Variants in RRP1 observed in about 807,000 individuals in gnomAD.
RRP1 encodes the protein ribosomal RNA processing protein 1 homolog A.
A neutral mutation model predicts 54.6 loss-of-function variants in RRP1; 37 were observed. The ratio of observed to expected loss-of-function variants is 0.68; its 90% CI spans 0.52 to 0.89. RRP1 has a LOEUF of 0.89. Among genes scored for constraint, RRP1 ranks in the 40% least tolerant of loss-of-function variants. The probability of loss-of-function intolerance (pLI) is 0.00; values close to 1 mark genes in which losing one functional copy is unlikely to be tolerated. For missense variants in RRP1, 639 were observed against 612.5 expected (o/e 1.04, Z -0.46); for synonymous variants, 262 against 244.3 (o/e 1.07, Z -0.67).
At chr21:43,791,060 C>T (rs1050209425) in intron 1 of RRP1, 6 of 528,562 alleles carry the variant, frequency 1.1e-5, no homozygotes, top group East Asian at 4.8e-5. Context: ...CGTCAAGGTT[C>T]GCAATTTTGA....
chr21:43,796,465 C>G (rs1164848545), intron 5 of RRP1, among the ~76,000 whole-genome samples: 1 of 152,104 alleles, frequency 6.6e-6, no homozygotes, highest in Non-Finnish European at 1.5e-5. Flanking sequence ...ATGTGGAAGA[C>G]CTCGGTGCCT....
intron 2 of RRP1, among the ~76,000 whole-genome samples, chr21:43,791,647 T>A (rs762666427): frequency 4.6e-5 from 7 of 152,052 alleles, no homozygotes; most frequent in Non-Finnish European, 8.8e-5. Flanking sequence ...GGAGTACAGG[T>A]ACCTGCCACC....
intron 2 of RRP1, 95 bp downstream of exon 2, chr21:43,791,527 A>T: frequency 8.7e-7 from 1 of 1,155,100 alleles, no homozygotes; most frequent in South Asian, 1.3e-5. Flanking sequence ...TTTAAGTCGG[A>T]GTTTCGCTCT....
Position 43,793,496 on chromosome 21 carries a change from A to G in RRP1, c.360+92A>G, listed in dbSNP as rs1016691728. The G allele has an allele frequency of 1.2e-5, 13 of 1,106,036 alleles. No homozygotes were observed. The South Asian group carries it at 1.4e-4, about 12-fold the overall frequency. The allele number at this position is 1,106,036 out of a possible 1,614,324, so 68.5% of individuals were successfully genotyped here. Reference sequence around the variant, plus strand: ...CAGGCGGCACCTGGGCAGGGAGGCAACCTGAGGCAGTGCGACCCTGAAGCC... The same window carrying G: ...CAGGCGGCACCTGGGCAGGGAGGCAGCCTGAGGCAGTGCGACCCTGAAGCC... On this transcript the variant is annotated intron_variant, in intron 4 of 12. Coordinates refer to ENST00000497547, the MANE Select transcript of RRP1 (RefSeq NM_003683.6).
rs1005554363 is a variant in RRP1, at chr21:43,795,305, G to A, written c.422+55G>A. On this transcript the variant is annotated intron_variant, in intron 5 of 12. Transcript: ENST00000497547. ...GACGCTGTTCTCGGGGACCGCAGTC[G>A]TGTTTGTCATTTGATTCTTTGCCAT... The A allele has an allele frequency of 3.0e-5, 46 of 1,542,680 alleles. No individual in the cohort carries two copies. The Admixed American group carries it at 3.5e-4, about 12-fold the overall frequency.
chr21:43,795,170 A>C lies in RRP1; in HGVS notation c.361-19A>C. ...TAGGGCTGGGCTTCTGCTAATGCCA[A>C]CCTCCTTCTGTGTCAAAGCTCATGC... is the stretch of plus-strand genomic sequence containing the variant. On this transcript the variant is annotated intron_variant, in intron 4 of 12. Coordinates refer to ENST00000497547, the MANE Select transcript of RRP1 (RefSeq NM_003683.6). 6.2e-7 allele frequency: 1 copy of C among 1,611,490 alleles called. No individual in the cohort carries two copies. Among genetic ancestry groups the C allele is most frequent in the African/African-American group, 1.3e-5 (1 of 74,786 alleles).
Position 43,802,399 on chromosome 21 carries a change from G to A in RRP1, c.1123+12G>A, listed in dbSNP as rs376495788. 33 of 1,605,736 alleles carry A rather than the reference G, an allele frequency of 2.1e-5. No individual in the cohort carries two copies. Among genetic ancestry groups the A allele is most frequent in the Non-Finnish European group, 2.7e-5 (32 of 1,172,922 alleles). On this transcript the variant is annotated intron_variant, in intron 12 of 12. Transcript: ENST00000497547. Reference sequence around the variant, plus strand: ...GCAGCAGGAGAGAGGTAGGACTAGGGGGTGTGTTAGTCATGGAGCCGGCGT... The same window carrying A: ...GCAGCAGGAGAGAGGTAGGACTAGGAGGTGTGTTAGTCATGGAGCCGGCGT...
At chr21:43,794,916 T>C (rs2085001683) in intron 4 of RRP1, among the ~76,000 whole-genome samples, 1 of 151,498 alleles carries the variant, frequency 6.6e-6, no homozygotes, top group Non-Finnish European at 1.5e-5. Flanking sequence ...GACTGTCCCC[T>C]ATTACCCCCG....
intron 11 of RRP1, 43 bp from the exon 12 acceptor site, chr21:43,802,231 C>A (rs555630445): frequency 1.4e-6 from 2 of 1,455,662 alleles, no homozygotes; most frequent in South Asian, 1.1e-5. Flanking sequence ...AACCATAAGT[C>A]CCCAGCCCCC....
At chr21:43,792,882 A>C in intron 3 of RRP1, 153 bp downstream of exon 3, 2 of 747,768 alleles carry the variant, frequency 2.7e-6, no homozygotes, top group Admixed American at 4.6e-5. Flanking sequence ...GGTGCTTAGC[A>C]TGTGTGCAGT....
rs1212656271 is a variant in RRP1, at chr21:43,804,154, A to G, written c.*380A>G. The G allele has an allele frequency of 4.5e-6, 1 of 224,350 alleles. No homozygotes were observed. The highest frequency in any genetic ancestry group is 8.7e-6 in the Non-Finnish European group (1 of 115,266). The allele number at this position is 224,350 out of a possible 1,614,324, so 13.9% of individuals were successfully genotyped here. ...GGACGTGTGGGAGGTGGCAGGCGCC[A>G]GCCTCCGAGCAGTGTGGTGGTTTAT... On this transcript the variant is annotated 3_prime_UTR_variant, in exon 13 of 13. Coordinates refer to ENST00000497547, the MANE Select transcript of RRP1 (RefSeq NM_003683.6). This position sits in a 1 kb window ranked among gnomAD's most constrained non-coding sequence, Gnocchi z 4.3.
intron 11 of RRP1, 76 bp from the exon 12 acceptor site, chr21:43,802,198 C>T: frequency 9.8e-7 from 1 of 1,024,538 alleles, no homozygotes; most frequent in South Asian, 1.3e-5. Flanking sequence ...CTGGCTGGGG[C>T]CTGCTGGAAG....
In RRP1 at chr21:43,802,401, G is replaced by T. The variant is rs1044851712; in HGVS notation, c.1123+14G>T. 1.2e-6 allele frequency: 2 copies of T among 1,604,996 alleles called. No homozygotes were observed. Among genetic ancestry groups the T allele is most frequent in the African/African-American group, 1.3e-5 (1 of 74,846 alleles). ...AGCAGGAGAGAGGTAGGACTAGGGG[G>T]TGTGTTAGTCATGGAGCCGGCGTCC... On this transcript the variant is annotated intron_variant, in intron 12 of 12. Transcript: ENST00000497547.
In RRP1 at chr21:43,796,713, C is replaced by G. The variant is rs568501255; in HGVS notation, c.423-709C>G. ...CTTTTCCTTTCCATCACGAGTGATT[C>G]TCCAGCCTTGCTACGGAGCTTCCTA... On this transcript the variant is annotated intron_variant, in intron 5 of 12. Coordinates refer to ENST00000497547, the MANE Select transcript of RRP1 (RefSeq NM_003683.6). 5.4e-4 allele frequency among the ~76,000 whole-genome samples: 82 copies of G among 152,288 alleles called. 1 individual carries two copies. The highest frequency in any genetic ancestry group is 1.8e-3 in the African/African-American group (74 of 41,536).
rs187585477 is a variant in RRP1, at chr21:43,797,428, C to T, written c.429C>T (p.Ile143=). ...LKMQGWEERQ[I]EELLELLMTE... The stretch of plus-strand genomic sequence containing the variant: ...TTGCTTTTTCTTTCCTCAGACAGAT[C>T]GAGGAGCTGCTAGAGCTGCTGATGA... The change falls in exon 6 of 13, where the codon ATC becomes ATT. Residue 143 remains isoleucine (I), a synonymous_variant. Coordinates refer to ENST00000497547, the MANE Select transcript of RRP1 (RefSeq NM_003683.6). The T allele has an allele frequency of 2.9e-5, 46 of 1,611,134 alleles. No homozygotes were observed. The highest frequency in any genetic ancestry group is 3.3e-5 in the Admixed American group (2 of 59,968).
intron 8 of RRP1, 61 bp downstream of exon 8, chr21:43,798,161 T>C: frequency 6.9e-7 from 1 of 1,454,604 alleles, no homozygotes; most frequent in Non-Finnish European, 9.2e-7. Flanking sequence ...GCCAGTGCGA[T>C]CTCCTGCTGG....
chr21:43,802,087 T>C (rs912653850), intron 11 of RRP1, among the ~76,000 whole-genome samples, 187 bp from the exon 12 acceptor site: 11 of 152,104 alleles, frequency 7.2e-5, no homozygotes, highest in African/African-American at 2.4e-4. Context: ...CAGATGGGCT[T>C]GGGTCTCAGC....
rs1457798276 is a variant in RRP1, at chr21:43,791,342, T to C, written c.134-8T>C. On this transcript the variant is annotated splice_polypyrimidine_tract_variant and splice_region_variant and intron_variant, in intron 1 of 12. Transcript: ENST00000497547. The stretch of plus-strand genomic sequence containing the variant: ...TCATTTGGTCCAACCGTTGCTGTTT[T>C]GATGCAGGTGGTTTTACGCACGACG... The C allele has an allele frequency of 6.2e-7, 1 of 1,613,780 alleles. No individual in the cohort carries two copies. Among genetic ancestry groups the C allele is most frequent in the Admixed American group, 1.7e-5 (1 of 60,008 alleles).
intron 2 of RRP1, among the ~76,000 whole-genome samples, chr21:43,791,987 G>A (rs1226067936): frequency 6.6e-6 from 1 of 152,202 alleles, no homozygotes; most frequent in African/African-American, 2.4e-5. Flanking sequence ...TGGGTTTTGT[G>A]TTTGTCCTGG....
Sources: gnomAD v4.1 joint callset for allele counts (sites outside exome capture counted in the v4.1 genomes callset) on GRCh38, gnomAD v4.1.1 for gene constraint, Gnocchi (gnomAD v3.1) non-coding constraint, MANE v1.5 for transcripts, NCBI Gene and HGNC (gene_info 2026-07-23, HGNC 2026-07-21) for gene names.